CTNND2: variants seen among roughly 807,000 people sequenced by gnomAD.
CTNND2 encodes catenin delta-2.
In CTNND2, 22 loss-of-function variants were observed where a neutral mutation model predicts 144.4. The observed-to-expected ratio is 0.15, with a 90% confidence interval of 0.11 to 0.22. The LOEUF (loss-of-function observed/expected upper bound fraction) is 0.22. Among genes scored for constraint, CTNND2 ranks in the 10% least tolerant of loss-of-function variants. CTNND2 has a pLI of 1.00. For synonymous variants in CTNND2, 751 were observed against 695.6 expected (o/e 1.08, Z -1.25); for missense variants, 1,353 against 1,618.8 (o/e 0.84, Z 2.82).
Position 11,087,171 on chromosome 5 carries a change from A to G in CTNND2, c.2638-4325T>C, listed in dbSNP as rs1314279079. Among the ~76,000 whole-genome samples the G allele has an allele frequency of 2.6e-5, 4 of 152,330 alleles. No homozygotes were observed. In the East Asian group the frequency reaches 5.8e-4, roughly 22 times the overall value. On this transcript the variant is annotated intron_variant, in intron 15 of 21. Transcript: ENST00000304623. ...CAAATTTTAAAACCAAACTCTTCCAATGAAAAATACATACAATGAATTTGG... is the reference window on the plus strand; with the variant it reads ...CAAATTTTAAAACCAAACTCTTCCAGTGAAAAATACATACAATGAATTTGG...
rs149491584 is a variant in CTNND2 at position 11,470,630 on chromosome 5, G to A, written c.288-58561C>T. On this transcript the variant is annotated intron_variant, in intron 3 of 21. Transcript: ENST00000304623. ...ATCTAATGTCCTTTTTCTGTCCCAC[G>A]ACCCCCTCCAGGATTCCACATTGCA... Among the ~76,000 whole-genome samples the A allele has an allele frequency of 4.0e-3, 612 of 151,746 alleles. 1 individual carries two copies. The highest frequency in any genetic ancestry group is 6.9e-3 in the Non-Finnish European group (469 of 67,910).
intron 1 of CTNND2, among the ~76,000 whole-genome samples, chr5:11,735,982 G>C (rs1787661764): frequency 6.6e-6 from 1 of 152,090 alleles, no homozygotes; most frequent in Admixed American, 6.6e-5. Context: ...TTGGGCCCAT[G>C]CTAATTCAGG....
intron 9 of CTNND2, among the ~76,000 whole-genome samples, chr5:11,291,733 C>A (rs1748371815): frequency 6.6e-6 from 1 of 152,150 alleles, no homozygotes; most frequent in Admixed American, 6.6e-5. Flanking sequence ...CCCCAAATCT[C>A]CCCAGTACCT....
At chr5:11,851,024 TAA>T (rs1236034147) in intron 1 of CTNND2, among the ~76,000 whole-genome samples, 2 of 152,156 alleles carry the variant, frequency 1.3e-5, no homozygotes, top group Admixed American at 1.3e-4. Flanking sequence ...CTAAAGAACT[TAA>T]GAGAAAAGAC....
intron 3 of CTNND2, among the ~76,000 whole-genome samples, chr5:11,551,567 T>A (rs1288795027): frequency 6.6e-6 from 1 of 150,612 alleles, no homozygotes; most frequent in East Asian, 2.0e-4. Flanking sequence ...TACAGATGCA[T>A]GCCACCACAC....
intron 9 of CTNND2, among the ~76,000 whole-genome samples, chr5:11,338,194 T>A (rs1041162120): frequency 2.0e-5 from 3 of 152,158 alleles, no homozygotes; most frequent in South Asian, 2.1e-4. Flanking sequence ...GAGGCGAACA[T>A]GTGAAAGTCG....
chr5:11,136,814 A>G (rs1756201540), intron 12 of CTNND2, among the ~76,000 whole-genome samples: 2 of 152,242 alleles, frequency 1.3e-5, no homozygotes, highest in South Asian at 4.1e-4. Context: ...GGGTCATTTC[A>G]CTGAGTAAAA....
intron 2 of CTNND2, among the ~76,000 whole-genome samples, chr5:11,701,772 T>C (rs529279428): frequency 2.0e-5 from 3 of 152,344 alleles, no homozygotes; most frequent in African/African-American, 7.2e-5. Context: ...GAAGTATTTA[T>C]TTGTATAATT....
intron 1 of CTNND2, among the ~76,000 whole-genome samples, chr5:11,837,629 T>C (rs1794249522): frequency 6.6e-6 from 1 of 152,202 alleles, no homozygotes; most frequent in Non-Finnish European, 1.5e-5. Flanking sequence ...AGTATGAGTA[T>C]CTTTAGGAAC....
intron 9 of CTNND2, among the ~76,000 whole-genome samples, chr5:11,277,500 ATATTTATTTATT>A (rs202245115): frequency 0.22 from 29,834 of 136,558 alleles, 3,251 homozygotes; most frequent in Middle Eastern, 0.33. Context: ...CTTTTTAAAA[ATATTTATTTATT>A]TATTTATTTA....
chr5:11,322,416 T>C (rs979931750), intron 9 of CTNND2, among the ~76,000 whole-genome samples: 2 of 152,198 alleles, frequency 1.3e-5, no homozygotes, highest in Non-Finnish European at 2.9e-5. Flanking sequence ...GAAAGCATAG[T>C]TGCATAATAA....
At chr5:11,639,251 T>C (rs893642149) in intron 2 of CTNND2, among the ~76,000 whole-genome samples, 3 of 152,126 alleles carry the variant, frequency 2.0e-5, no homozygotes, top group African/African-American at 7.2e-5. Flanking sequence ...ACAATGTCAA[T>C]AATGCAAAGG....
In CTNND2 at chr5:10,988,130, G is replaced by A; in HGVS notation, c.3324C>T (p.Ser1108=). The change falls in exon 20 of 22, where the codon TCC becomes TCT. Residue 1108 remains serine, a synonymous_variant. Coordinates refer to ENST00000304623, the MANE Select transcript of CTNND2 (RefSeq NM_001332.4). The surrounding 1 kb of genome is among the most constrained non-coding windows in gnomAD (Gnocchi z 5.9). ...TYHGAKGEHT[S]RKDAMTAQNT... is the part of the protein sequence containing the mutation. ...GCTCACCTGTCATGGCATCTTTCCTGGAAGTGTGTTCGCCTTTAGCTCCGT... is the reference window on the plus strand; with the variant it reads ...GCTCACCTGTCATGGCATCTTTCCTAGAAGTGTGTTCGCCTTTAGCTCCGT... The A allele has an allele frequency of 6.2e-7, 1 of 1,614,194 alleles. No homozygotes were observed. Among genetic ancestry groups the A allele is most frequent in the Non-Finnish European group, 8.5e-7 (1 of 1,180,032 alleles).
chr5:11,128,820 T>G (rs1205709458), intron 12 of CTNND2, among the ~76,000 whole-genome samples: 2 of 72,798 alleles, frequency 2.7e-5, no homozygotes, highest in Admixed American at 2.5e-4. Context: ...ATATATAATA[T>G]ATATTATATA....
intron 2 of CTNND2, among the ~76,000 whole-genome samples, chr5:11,634,984 A>G (rs549255789): frequency 6.6e-6 from 1 of 152,202 alleles, no homozygotes; most frequent in African/African-American, 2.4e-5. Flanking sequence ...ATAGGTTGAA[A>G]GATCAATATA....
intron 16 of CTNND2, among the ~76,000 whole-genome samples, chr5:11,045,486 C>T (rs1400655524): frequency 1.3e-5 from 2 of 152,150 alleles, no homozygotes; most frequent in Admixed American, 1.3e-4. Context: ...CCCTGTGACC[C>T]ACATACCTCC....
intron 18 of CTNND2, among the ~76,000 whole-genome samples, chr5:10,995,398 A>G (rs1739233433): frequency 6.6e-6 from 1 of 152,190 alleles, no homozygotes. Flanking sequence ...CCAACCGAAT[A>G]CCGAGGAGGA....
At chr5:11,886,477 A>C (rs1736539881) in intron 1 of CTNND2, among the ~76,000 whole-genome samples, 2 of 152,316 alleles carry the variant, frequency 1.3e-5, no homozygotes, top group African/African-American at 4.8e-5. Context: ...TTAATCTACC[A>C]AGATTGAACC....
chr5:11,882,185 T>C (rs571008970), intron 1 of CTNND2, among the ~76,000 whole-genome samples: 1 of 152,234 alleles, frequency 6.6e-6, no homozygotes, highest in East Asian at 1.9e-4. Context: ...ACTCTATTGA[T>C]TGTTTCCTTT....
Sources: allele counts gnomAD v4.1 joint callset (sites outside exome capture counted in the v4.1 genomes callset), GRCh38; gene constraint gnomAD v4.1.1; non-coding constraint Gnocchi (gnomAD v3.1); transcripts MANE v1.5; gene names NCBI Gene and HGNC (gene_info 2026-07-23, HGNC 2026-07-21).